ZNF385B: variants seen among roughly 807,000 people sequenced by gnomAD.
ZNF385B encodes zinc finger protein 533.
In ZNF385B, 23 loss-of-function variants were observed where a neutral mutation model predicts 39.2. That is an observed-to-expected ratio of 0.59 (90% CI 0.42 to 0.83). The LOEUF (loss-of-function observed/expected upper bound fraction) is 0.83, where lower values mean the gene tolerates loss of function less well. ZNF385B is among the 40% of genes least tolerant of loss of function. ZNF385B has a pLI of 0.00. For missense variants in ZNF385B, 552 were observed against 598.9 expected (o/e 0.92, Z 0.82); for synonymous variants, 205 against 222.6 (o/e 0.92, Z 0.70).
At chr2:179,551,217 A>G (rs1476440913) in intron 3 of ZNF385B, among the ~76,000 whole-genome samples, 1 of 152,104 alleles carries the variant, frequency 6.6e-6, no homozygotes, top group Admixed American at 6.6e-5. Context: ...GAATGCATAT[A>G]TTTATCAAAC....
chr2:179,631,191 C>T (rs866498984), intron 3 of ZNF385B, among the ~76,000 whole-genome samples: 1 of 152,070 alleles, frequency 6.6e-6, no homozygotes, highest in South Asian at 2.1e-4. Context: ...TACTCCTCGA[C>T]ACGAGCAACC....
At chr2:179,692,323 ATTTAAGGTCCC>A (rs1698418399) in intron 3 of ZNF385B, among the ~76,000 whole-genome samples, 2 of 152,244 alleles carry the variant, frequency 1.3e-5, no homozygotes, top group East Asian at 3.9e-4. Context: ...CTCAAGAGAC[ATTTAAGGTCCC>A]TTATAGCTCC....
intron 3 of ZNF385B, among the ~76,000 whole-genome samples, chr2:179,694,586 A>G (rs373455663): frequency 6.6e-6 from 1 of 152,194 alleles, no homozygotes; most frequent in Non-Finnish European, 1.5e-5. Flanking sequence ...TCTAGGAATA[A>G]AAAAGGGATT....
intron 3 of ZNF385B, among the ~76,000 whole-genome samples, chr2:179,703,246 C>G (rs780392211): frequency 5.3e-5 from 8 of 152,198 alleles, no homozygotes; most frequent in Non-Finnish European, 8.8e-5. Flanking sequence ...TGATATGCAC[C>G]TGCCTCAAGA....
chr2:179,508,612 T>A (rs537211886), intron 5 of ZNF385B, among the ~76,000 whole-genome samples: 1 of 152,340 alleles, frequency 6.6e-6, no homozygotes, highest in East Asian at 1.9e-4. Flanking sequence ...TAATGTTTGA[T>A]CAGCAAACTA....
chr2:179,517,309 G>T (rs2058161251), intron 5 of ZNF385B, among the ~76,000 whole-genome samples: 1 of 151,776 alleles, frequency 6.6e-6, no homozygotes, highest in Admixed American at 6.6e-5. Flanking sequence ...TCAGGATTGT[G>T]CTGGATCTAT....
At chr2:179,670,032 T>C (rs966576345) in intron 3 of ZNF385B, among the ~76,000 whole-genome samples, 17 of 151,988 alleles carry the variant, frequency 1.1e-4, no homozygotes, top group Admixed American at 1.3e-4. Context: ...TGGCTCACGC[T>C]TGTAATCCCA....
intron 4 of ZNF385B, among the ~76,000 whole-genome samples, chr2:179,537,754 C>CAACAAA (rs1282614618): frequency 2.3e-4 from 23 of 99,932 alleles, no homozygotes; most frequent in African/African-American, 1.0e-3. Flanking sequence ...AACAAACAAA[C>CAACAAA]AAACAAACAA....
chr2:179,802,555 T>G (rs896860067), intron 1 of ZNF385B: 2 of 152,116 alleles, frequency 1.3e-5, no homozygotes, highest in African/African-American at 4.8e-5. Context: ...CCATCTGTCT[T>G]GGGAAGATTT....
chr2:179,747,016 T>A (rs561154889), intron 3 of ZNF385B, among the ~76,000 whole-genome samples: 1 of 152,256 alleles, frequency 6.6e-6, no homozygotes, highest in African/African-American at 2.4e-5. Context: ...TAAAAAGGGT[T>A]TTAGGTTCTC....
chr2:179,832,983 A>C (rs1392141661), intron 1 of ZNF385B, among the ~76,000 whole-genome samples: 1 of 152,174 alleles, frequency 6.6e-6, no homozygotes, highest in Non-Finnish European at 1.5e-5. Flanking sequence ...CTTCTTTAAA[A>C]TCTGCACAAC....
intron 7 of ZNF385B, 62 bp downstream of exon 7, chr2:179,446,463 T>C: frequency 2.6e-6 from 4 of 1,553,204 alleles, no homozygotes; most frequent in African/African-American, 1.4e-5. Context: ...GATATGGTAT[T>C]CTGATGGGAA....
At chr2:179,809,910 A>G (rs1314786665) in intron 1 of ZNF385B, among the ~76,000 whole-genome samples, 1 of 152,046 alleles carries the variant, frequency 6.6e-6, no homozygotes, top group African/African-American at 2.4e-5. Context: ...GAAAAAAATA[A>G]CATTTGTCTT....
Position 179,592,510 on chromosome 2 carries a change from G to A in ZNF385B, c.299-47541C>T, listed in dbSNP as rs144702696. On this transcript the variant is annotated intron_variant, in intron 3 of 9. Transcript: ENST00000410066. The stretch of plus-strand genomic sequence containing the variant: ...ATGACACTGTGATTAACTCCATGTC[G>A]TCTTTACCACAGCAGGAACTCACAG... Among the ~76,000 whole-genome samples the A allele has an allele frequency of 1.9e-3, 296 of 152,142 alleles. 3 individuals are homozygous for A. The highest frequency in any genetic ancestry group is 1.5e-3 in the Non-Finnish European group (99 of 68,010).
intron 5 of ZNF385B, among the ~76,000 whole-genome samples, chr2:179,493,628 C>A: frequency 9.7e-6 from 1 of 103,388 alleles, no homozygotes; most frequent in African/African-American, 3.5e-5. Context: ...TATATGTATA[C>A]GCATATGTAT....
intron 5 of ZNF385B, among the ~76,000 whole-genome samples, chr2:179,504,490 C>A (rs920330597): frequency 1.8e-4 from 27 of 152,256 alleles, no homozygotes; most frequent in African/African-American, 6.5e-4. Flanking sequence ...TACAGTCCCA[C>A]CAACAGTGTA....
At chr2:179,776,110 T>G (rs758881977) in intron 1 of ZNF385B, among the ~76,000 whole-genome samples, 1 of 152,198 alleles carries the variant, frequency 6.6e-6, no homozygotes, top group Non-Finnish European at 1.5e-5. Context: ...TTGGGGTCAT[T>G]CCTGATTGAA....
chr2:179,769,520 C>A lies in ZNF385B; in HGVS notation c.281G>T (p.Ser94Ile), dbSNP rs763227855. ...CCTCCTACCTGTGCTGCTGTTGCTG[C>A]TGGGGCTGGCCTGGGCGGGTGGTGG... ...QPPPPAQASP[S>I]SNSSTGSTCH... Residue 94 changes from serine to isoleucine, a missense_variant, in exon 3 of 10, where the codon AGC (serine) becomes ATC (isoleucine). Transcript: ENST00000410066. 1 of 1,613,916 alleles carries A rather than the reference C, an allele frequency of 6.2e-7. No individual in the cohort carries two copies. The highest frequency in any genetic ancestry group is 1.3e-5 in the African/African-American group (1 of 75,040).
At chr2:179,630,472 T>C (rs12476520) in intron 3 of ZNF385B, among the ~76,000 whole-genome samples, 40,498 of 151,456 alleles carry the variant, frequency 0.27, 5,703 homozygotes, top group East Asian at 0.54. Context: ...AGGAATAGCA[T>C]TGACATAAAC....
Sources: gnomAD v4.1 joint callset for allele counts (sites outside exome capture counted in the v4.1 genomes callset) on GRCh38, gnomAD v4.1.1 for gene constraint, MANE v1.5 for transcripts, NCBI Gene and HGNC (gene_info 2026-07-23, HGNC 2026-07-21) for gene names.